Variants in GARIN2 observed in about 807,000 individuals in gnomAD.
GARIN2 encodes Golgi-associated RAB2 interactor protein 2.
At chr14:67,204,896 T>A in the GARIN2 span, 1 of 1,613,858 alleles carries the variant, frequency 6.2e-7, no homozygotes, top group East Asian at 2.2e-5. Flanking sequence ...TTCACAGACA[T>A]CACCGACATC....
chr14:67,194,681 T>C, the GARIN2 span, among the ~76,000 whole-genome samples: 5 of 152,094 alleles, frequency 3.3e-5, no homozygotes, highest in Non-Finnish European at 5.9e-5. Context: ...AATTGTATTT[T>C]TAGTAGAGAT....
chr14:67,215,056 G>A, the GARIN2 span, among the ~76,000 whole-genome samples: 2 of 152,156 alleles, frequency 1.3e-5, no homozygotes, highest in Non-Finnish European at 2.9e-5. Flanking sequence ...TCAGCTTAAG[G>A]AGATTCTGGG....
the GARIN2 span, among the ~76,000 whole-genome samples, chr14:67,198,626 A>ACAGATAACT: frequency 6.6e-6 from 1 of 152,234 alleles, no homozygotes; most frequent in African/African-American, 2.4e-5. Context: ...AGGGAAACAT[A>ACAGATAACT]CAGATAACTT....
At chr14:67,204,882 A>G in the GARIN2 span, 2 of 1,614,044 alleles carry the variant, frequency 1.2e-6, no homozygotes, top group African/African-American at 2.7e-5. Context: ...TAGATTTCCC[A>G]GAATTCACAG....
chr14:67,199,790 C>A, the GARIN2 span: 1 of 1,525,012 alleles, frequency 6.6e-7, no homozygotes, highest in Non-Finnish European at 8.9e-7. Context: ...TGGCTCCTTC[C>A]CACCCCCAGT....
the GARIN2 span, chr14:67,208,510 T>C: frequency 6.5e-7 from 1 of 1,533,962 alleles, no homozygotes; most frequent in South Asian, 1.3e-5. Context: ...TAAAGAAATA[T>C]GTGCTTTAGT....
At chr14:67,209,781 A>G in the GARIN2 span, among the ~76,000 whole-genome samples, 1 of 150,458 alleles carries the variant, frequency 6.6e-6, no homozygotes, top group Non-Finnish European at 1.5e-5. Flanking sequence ...TCGTGCCATT[A>G]AACTCCAGCC....
At chr14:67,220,045 A>G in the GARIN2 span, among the ~76,000 whole-genome samples, 2 of 152,206 alleles carry the variant, frequency 1.3e-5, no homozygotes, top group Non-Finnish European at 2.9e-5. Context: ...GGATTTAGTA[A>G]TGCTAGTGAG....
At chr14:67,223,833 T>A in the GARIN2 span, 42 of 985,676 alleles carry the variant, frequency 4.3e-5, no homozygotes, top group Non-Finnish European at 4.9e-5. Flanking sequence ...CTGTTCCCCT[T>A]CCATACACTT....
At chr14:67,222,999 C>CTTTTTTT in the GARIN2 span, among the ~76,000 whole-genome samples, 1 of 124,810 alleles carries the variant, frequency 8.0e-6, no homozygotes, top group Non-Finnish European at 1.7e-5. Context: ...TCCCATTGGG[C>CTTTTTTT]TTTTTTTTTT....
the GARIN2 span, among the ~76,000 whole-genome samples, chr14:67,222,628 A>G: frequency 6.6e-6 from 1 of 152,074 alleles, no homozygotes; most frequent in Non-Finnish European, 1.5e-5. Flanking sequence ...TTTTCTTTAT[A>G]TATTGCCATG....
At chr14:67,199,990 C>A in the GARIN2 span, 1 of 1,079,418 alleles carries the variant, frequency 9.3e-7, no homozygotes, top group Non-Finnish European at 1.3e-6. Flanking sequence ...TCAGATGCAG[C>A]TGGCACACCA....
At chr14:67,211,261 TGGGA>T in the GARIN2 span, among the ~76,000 whole-genome samples, 1 of 151,720 alleles carries the variant, frequency 6.6e-6, no homozygotes, top group Non-Finnish European at 1.5e-5. Context: ...AAAATATAGG[TGGGA>T]GGAAGGAAGG....
At chr14:67,218,098 G>C in the GARIN2 span, among the ~76,000 whole-genome samples, 1 of 152,172 alleles carries the variant, frequency 6.6e-6, no homozygotes, top group Non-Finnish European at 1.5e-5. Context: ...CAGTGGTGCA[G>C]CTTTGCCAGG....
the GARIN2 span, among the ~76,000 whole-genome samples, chr14:67,216,693 A>G: frequency 6.6e-6 from 1 of 152,064 alleles, no homozygotes; most frequent in Non-Finnish European, 1.5e-5. Flanking sequence ...TTTAATTTTT[A>G]TGTATTGTAT....
At chr14:67,223,742 T>C in the GARIN2 span, 1 of 984,658 alleles carries the variant, frequency 1.0e-6, no homozygotes, top group Non-Finnish European at 1.2e-6. Flanking sequence ...TCCCACTTTT[T>C]TCTTACTTAG....
the GARIN2 span, among the ~76,000 whole-genome samples, chr14:67,195,713 TTGTGTG>T: frequency 0.19 from 27,594 of 143,220 alleles, 4,394 homozygotes; most frequent in African/African-American, 0.41. Flanking sequence ...TTCTTTTTGG[TTGTGTG>T]TGTGTGTGTG....
the GARIN2 span, among the ~76,000 whole-genome samples, chr14:67,193,067 T>G: frequency 1.4e-5 from 2 of 145,186 alleles, no homozygotes; most frequent in Non-Finnish European, 1.5e-5. Context: ...TCTATATCTA[T>G]ATATATCCAT....
At chr14:67,218,934 C>T in the GARIN2 span, among the ~76,000 whole-genome samples, 2 of 151,946 alleles carry the variant, frequency 1.3e-5, no homozygotes, top group African/African-American at 4.8e-5. Flanking sequence ...GATCCTGGCC[C>T]AGGTTCTGCA....
Sources: allele counts gnomAD v4.1 joint callset (sites outside exome capture counted in the v4.1 genomes callset), GRCh38; gene constraint gnomAD v4.1.1; transcripts MANE v1.5; gene names NCBI Gene and HGNC (gene_info 2026-07-23, HGNC 2026-07-21).